Variants in CFAP47 observed in about 807,000 individuals in gnomAD.
CFAP47 encodes the protein cilia- and flagella-associated protein 47.
Under a neutral mutation model 148.1 loss-of-function variants are expected in CFAP47, and 29 were observed. The observed-to-expected ratio is 0.20, with a 90% confidence interval of 0.15 to 0.27. CFAP47 has a LOEUF of 0.27. Ranked by LOEUF, CFAP47 falls within the 10% of genes least tolerant of loss-of-function variation. The probability of loss-of-function intolerance (pLI) is 1.00; values close to 1 mark genes in which losing one functional copy is unlikely to be tolerated. For missense variants in CFAP47, 1,872 were observed against 1,697.5 expected (o/e 1.10, Z -1.81); for synonymous variants, 664 against 577.3 (o/e 1.15, Z -2.15).
chrX:36,076,814 G>A (rs982404561), intron 29 of CFAP47, among the ~76,000 whole-genome samples: 2 of 110,604 alleles, frequency 1.8e-5, no homozygotes, highest in African/African-American at 6.7e-5. Context: ...TCTTTCCCAA[G>A]GCCAATGTCC....
At chrX:36,235,152 C>G (rs1555993891) in intron 46 of CFAP47, among the ~76,000 whole-genome samples, 1 of 111,636 alleles carries the variant, frequency 9.0e-6, no homozygotes, top group East Asian at 2.8e-4. Context: ...TCAAAGCTGT[C>G]AGACAGGGAC....
chrX:36,371,840 ATG>A (rs1361424037), intron 62 of CFAP47, among the ~76,000 whole-genome samples: 5 of 68,179 alleles, frequency 7.3e-5, no homozygotes, highest in Non-Finnish European at 1.3e-4. Flanking sequence ...ATGTGTGTAT[ATG>A]TGTGTATATA....
At chrX:35,961,854 T>C (rs1025599806) in intron 8 of CFAP47, among the ~76,000 whole-genome samples, 1 of 111,678 alleles carries the variant, frequency 9.0e-6, no homozygotes, top group African/African-American at 3.2e-5. Flanking sequence ...ATTCCTTTCC[T>C]TATACTCACT....
intron 46 of CFAP47, among the ~76,000 whole-genome samples, chrX:36,229,178 C>A (rs1412905958): frequency 9.0e-6 from 1 of 111,615 alleles, no homozygotes; most frequent in Non-Finnish European, 1.9e-5. Flanking sequence ...GCACTGAGAA[C>A]AATGATTGCC....
At chrX:36,309,694 G>C (rs782036859) in intron 55 of CFAP47, among the ~76,000 whole-genome samples, 17 of 110,404 alleles carry the variant, frequency 1.5e-4, no homozygotes, top group African/African-American at 5.6e-4. Flanking sequence ...CATTTACAAT[G>C]GTTTAAAGTA....
chrX:35,951,504 C>A lies in CFAP47; in HGVS notation c.885+145C>A, dbSNP rs1458339167. The A allele has an allele frequency of 1.8e-5, 9 of 499,843 alleles. No homozygotes were observed. The East Asian group carries it at 2.6e-4, about 14-fold the overall frequency. The allele number at this position is 499,843 out of a possible 1,213,427, so 41.2% of individuals were successfully genotyped here. On this transcript the variant is annotated intron_variant, in intron 5 of 63. Coordinates refer to ENST00000378653, the MANE Select transcript of CFAP47 (RefSeq NM_001304548.2). ...ATTTGATTTTATGTGTATCCAATAG[C>A]AACCTCAAAAAATTCAGAAATTAAG... is the stretch of plus-strand genomic sequence containing the variant.
At chrX:35,931,121 T>C (rs1403125665) in intron 2 of CFAP47, among the ~76,000 whole-genome samples, 1 of 111,513 alleles carries the variant, frequency 9.0e-6, no homozygotes, top group African/African-American at 3.3e-5. Flanking sequence ...TATATATTTT[T>C]ATTTTGACTC....
At chrX:35,957,803 A>G (rs1349845390) in intron 8 of CFAP47, among the ~76,000 whole-genome samples, 1 of 112,450 alleles carries the variant, frequency 8.9e-6, no homozygotes, top group Non-Finnish European at 1.9e-5. Flanking sequence ...TAGACACTGG[A>G]GAATTGTGGC....
intron 33 of CFAP47, among the ~76,000 whole-genome samples, chrX:36,136,731 C>T (rs944208895): frequency 1.8e-5 from 2 of 110,895 alleles, no homozygotes; most frequent in Non-Finnish European, 3.8e-5. Context: ...TCTTTATTTG[C>T]CAATTATACA....
intron 39 of CFAP47, among the ~76,000 whole-genome samples, chrX:36,163,503 A>AT (rs149184659): frequency 0.083 from 8,884 of 107,084 alleles, 417 homozygotes; most frequent in East Asian, 0.28. Flanking sequence ...TTATTATGAG[A>AT]TTTTTTTTCA....
chrX:35,999,376 A>C (rs1215726449), intron 19 of CFAP47, among the ~76,000 whole-genome samples: 1 of 111,773 alleles, frequency 8.9e-6, no homozygotes, highest in Non-Finnish European at 1.9e-5. Flanking sequence ...CTCTACTACA[A>C]GGAGGAATTC....
At chrX:36,222,773 A>T (rs782692560) in intron 45 of CFAP47, among the ~76,000 whole-genome samples, 1 of 110,939 alleles carries the variant, frequency 9.0e-6, no homozygotes, top group Admixed American at 9.6e-5. Context: ...TTTCCAGAGT[A>T]TTTGTGATTC....
At chrX:36,116,687 A>G (rs1438435028) in intron 33 of CFAP47, among the ~76,000 whole-genome samples, 1 of 111,849 alleles carries the variant, frequency 8.9e-6, no homozygotes, top group East Asian at 2.8e-4. Flanking sequence ...ACAGGCATGC[A>G]ATATGTGTTA....
At position 36,354,233 on chromosome X, in the gene CFAP47, G is replaced by A. The variant is rs1454857909; in HGVS notation, c.8851+552G>A. ...GCGGTGGCTCACGCCTGTAATCCCA[G>A]CACTTTGGGAGGTCAAGGCGGGAGG... On this transcript the variant is annotated intron_variant, in intron 60 of 63. Coordinates refer to ENST00000378653, the MANE Select transcript of CFAP47 (RefSeq NM_001304548.2). Among the ~76,000 whole-genome samples the A allele has an allele frequency of 5.4e-5, 6 of 111,075 alleles. No homozygotes were observed. The East Asian group carries it at 1.1e-3, about 21-fold the overall frequency.
At chrX:36,304,409 A>T (rs1247938953) in intron 54 of CFAP47, among the ~76,000 whole-genome samples, 2 of 108,441 alleles carry the variant, frequency 1.8e-5, no homozygotes, top group African/African-American at 6.8e-5. Flanking sequence ...AAAAAAAAGG[A>T]TTTTCTTTTA....
intron 36 of CFAP47, among the ~76,000 whole-genome samples, chrX:36,146,440 G>A (rs954300951): frequency 9.0e-6 from 1 of 111,267 alleles, no homozygotes; most frequent in Non-Finnish European, 1.9e-5. Flanking sequence ...TTATTATTTT[G>A]CTAGAAATAA....
chrX:36,023,311 C>T (rs1937180456), intron 22 of CFAP47, among the ~76,000 whole-genome samples: 1 of 112,027 alleles, frequency 8.9e-6, no homozygotes, highest in African/African-American at 3.2e-5. Flanking sequence ...CCCAAATGAA[C>T]AGAGTCTCTC....
intron 2 of CFAP47, among the ~76,000 whole-genome samples, chrX:35,933,244 G>C (rs192469597): frequency 2.9e-5 from 3 of 105,195 alleles, no homozygotes; most frequent in Non-Finnish European, 5.8e-5. Flanking sequence ...CTAGCCTCTG[G>C]TAACCATCCA....
intron 45 of CFAP47, 121 bp downstream of exon 45, chrX:36,205,231 G>C (rs1555988680): frequency 1.1e-5 from 3 of 284,485 alleles, no homozygotes; most frequent in Non-Finnish European, 1.8e-5. Context: ...TATAATTGAA[G>C]GGTTTCAGTG....
Sources: allele counts gnomAD v4.1 joint callset (sites outside exome capture counted in the v4.1 genomes callset), GRCh38; gene constraint gnomAD v4.1.1; transcripts MANE v1.5; gene names NCBI Gene and HGNC (gene_info 2026-07-23, HGNC 2026-07-21).